The following DNAH17 variants were observed in gnomAD, a reference collection of about 807,000 sequenced individuals.
The protein encoded by DNAH17 is dynein axonemal heavy chain 17, also known as axonemal beta dynein heavy chain 17.
Under a neutral mutation model 485.6 loss-of-function variants are expected in DNAH17, and 376 were observed. The observed-to-expected ratio is 0.77, with a 90% confidence interval of 0.71 to 0.84. The LOEUF is 0.84. Ranked by LOEUF, DNAH17 falls within the 40% of genes least tolerant of loss-of-function variation. The pLI, the probability that DNAH17 is intolerant of heterozygous loss-of-function variation, is 0.00. For synonymous variants in DNAH17, 3,031 were observed against 2,405.9 expected, an observed-to-expected ratio of 1.26 and a Z score of -7.60; for missense variants, 6,370 against 5,839.3, an observed-to-expected ratio of 1.09 and a Z score of -2.96.
rs1259598106 is a variant in DNAH17, at chr17:78,505,430, A to G, written c.4819T>C (p.Ser1607Pro). 2 of 1,613,838 alleles carry G rather than the reference A, an allele frequency of 1.2e-6. No individual in the cohort carries two copies. Among genetic ancestry groups the G allele is most frequent in the African/African-American group, 1.3e-5 (1 of 74,910 alleles). ...TTACACAGGCTATCGAAGAGTTTGGACAGGTGGCGGCTCACCTGGGAGGAG... is the reference window on the plus strand; with the variant it reads ...TTACACAGGCTATCGAAGAGTTTGGGCAGGTGGCGGCTCACCTGGGAGGAG... The part of the protein sequence containing the change: ...NDPVEVSRHL[S>P]KLFDSLCKLK... The change falls in exon 31 of 81, where the codon TCC (serine) becomes CCC (proline). Residue 1607 changes from serine to proline, a missense_variant. Coordinates refer to ENST00000389840, the MANE Select transcript of DNAH17 (RefSeq NM_173628.4).
At chr17:78,451,139 G>C (rs2087532457) in intron 66 of DNAH17, among the ~76,000 whole-genome samples, 1 of 152,394 alleles carries the variant, frequency 6.6e-6, no homozygotes, top group South Asian at 2.1e-4. Flanking sequence ...AAATGTGGCA[G>C]GTGCAAGGGC....
At chr17:78,503,498 T>C (rs1479725383) in intron 31 of DNAH17, among the ~76,000 whole-genome samples, 2 of 151,928 alleles carry the variant, frequency 1.3e-5, no homozygotes. Context: ...TATTTTCTTC[T>C]TAAATTGAGA....
intron 68 of DNAH17, chr17:78,449,874 C>T (rs2087471749): frequency 4.6e-6 from 2 of 431,468 alleles, no homozygotes; most frequent in Non-Finnish European, 8.5e-6. Context: ...CAGGGTTTCA[C>T]CATGTTGGTC....
chr17:78,440,984 TTTCCTGG>T, intron 72 of DNAH17, 60 bp downstream of exon 72: 1 of 1,544,524 alleles, frequency 6.5e-7, no homozygotes. Flanking sequence ...TGGTGTGCAT[TTTCCTGG>T]TGCCTGGTGA....
chr17:78,464,519 C>G (rs143414753), intron 56 of DNAH17, among the ~76,000 whole-genome samples: 2,971 of 152,328 alleles, frequency 0.02, 43 homozygotes, highest in Non-Finnish European at 0.029. Flanking sequence ...CTTTGGCCCC[C>G]CAAAGTGCTG....
intron 67 of DNAH17, 30 bp from the exon 68 acceptor site, chr17:78,450,424 C>A: frequency 6.2e-7 from 1 of 1,612,194 alleles, no homozygotes; most frequent in East Asian, 2.2e-5. Context: ...GTGTGAATGA[C>A]ACAGCAGATG....
intron 14 of DNAH17, among the ~76,000 whole-genome samples, chr17:78,555,172 AC>A (rs2091992695): frequency 6.6e-6 from 1 of 152,176 alleles, no homozygotes; most frequent in Admixed American, 6.5e-5. Context: ...TGAAAACCAG[AC>A]AGAAGTAAAG....
intron 57 of DNAH17, among the ~76,000 whole-genome samples, chr17:78,462,481 G>A (rs1231811507): frequency 2.6e-5 from 4 of 152,156 alleles, no homozygotes; most frequent in Admixed American, 2.6e-4. Flanking sequence ...AGGATCCAGG[G>A]AGGTTTTTGA....
At chr17:78,436,464 A>G (rs1418797398) in intron 74 of DNAH17, among the ~76,000 whole-genome samples, 2 of 151,928 alleles carry the variant, frequency 1.3e-5, no homozygotes, top group Non-Finnish European at 2.9e-5. Flanking sequence ...AAAAAGTTCT[A>G]GGCTCCACTT....
rs139006189 is a variant in DNAH17 at position 78,492,754 on chromosome 17, G to T, written c.6420C>A (p.Ser2140=). The change falls in exon 42 of 81, where the codon TCC becomes TCA. Residue 2140 remains serine (S), a synonymous_variant. Coordinates refer to ENST00000389840, the MANE Select transcript of DNAH17 (RefSeq NM_173628.4). ...TCAGGTTCTGATAGGTCTTGTTGAG[G>T]GATTTGAGGACCTGGCGAAGGTGGG... ...AGSGKSQVLK[S]LNKTYQNLKR... The T allele has an allele frequency of 4.2e-4, 680 of 1,611,758 alleles. 2 individuals are homozygous for T. In the African/African-American group the frequency reaches 7.4e-3, roughly 18 times the overall value.
chr17:78,523,376 G>A (rs1356211506), intron 25 of DNAH17, among the ~76,000 whole-genome samples: 1 of 152,096 alleles, frequency 6.6e-6, no homozygotes, highest in East Asian at 1.9e-4. Flanking sequence ...CACCTGCCTT[G>A]GCCTCCCAAA....
Position 78,501,346 on chromosome 17 carries a change from TGCAGGATGA to T in DNAH17, c.5323-11_5323-3del. Reference sequence around the variant, plus strand: ...GGTGAAGGCCTGAGAACTCTCCACCTGCAGGATGAGCCGGAGCTCTTGTTGCCAGGTGGA... The same window carrying T: ...GGTGAAGGCCTGAGAACTCTCCACCTGCCGGAGCTCTTGTTGCCAGGTGGA... On this transcript the variant is annotated splice_region_variant and splice_polypyrimidine_tract_variant and intron_variant, in intron 34 of 80. Coordinates refer to ENST00000389840, the MANE Select transcript of DNAH17 (RefSeq NM_173628.4). 1 of 1,586,356 alleles carries T rather than the reference TGCAGGATGA, an allele frequency of 6.3e-7. No homozygotes were observed. Among genetic ancestry groups the T allele is most frequent in the Non-Finnish European group, 8.6e-7 (1 of 1,158,898 alleles).
At chr17:78,542,961 A>C (rs2091640309) in intron 17 of DNAH17, among the ~76,000 whole-genome samples, 1 of 152,162 alleles carries the variant, frequency 6.6e-6, no homozygotes, top group South Asian at 2.1e-4. Flanking sequence ...CCTAGTATGA[A>C]GACGTTACTT....
intron 29 of DNAH17, 62 bp downstream of exon 29, chr17:78,507,216 G>C: frequency 1.3e-6 from 2 of 1,578,648 alleles, no homozygotes; most frequent in East Asian, 2.2e-5. Context: ...AGTTCCGTCA[G>C]ACTTAAGACT....
At position 78,537,322 on chromosome 17, in the gene DNAH17, C is replaced by T. The variant is rs765248577; in HGVS notation, c.2836G>A (p.Ala946Thr). 5.1e-6 allele frequency: 8 copies of T among 1,577,562 alleles called. No homozygotes were observed. The South Asian group carries it at 8.1e-5, about 16-fold the overall frequency. The change falls in exon 19 of 81, where the codon GCC becomes ACC. Residue 946 changes from alanine to threonine, a missense_variant. Transcript: ENST00000389840. The part of the protein sequence containing the change: ...YNVARLIPRL[A>T]KDRMNYKMDL... ...ACCTTGTAGTTCATCCTGTCCTTGG[C>T]CAGCCGAGGGATGAGCCTGGCTACG...
chr17:78,486,841 G>A (rs2089632062), intron 44 of DNAH17, among the ~76,000 whole-genome samples: 1 of 152,186 alleles, frequency 6.6e-6, no homozygotes, highest in African/African-American at 2.4e-5. Context: ...GAACAGAAAA[G>A]GAGAAAGATC....
intron 51 of DNAH17, among the ~76,000 whole-genome samples, chr17:78,477,083 C>T (rs181755076): frequency 1.6e-4 from 25 of 152,316 alleles, no homozygotes; most frequent in African/African-American, 6.0e-4. Flanking sequence ...GGTACCACAG[C>T]AAGCCTATCT....
In DNAH17 at chr17:78,451,557, A is replaced by C. The variant is rs1296660050; in HGVS notation, c.10646T>G (p.Ile3549Ser). 6.2e-7 allele frequency: 1 copy of C among 1,613,612 alleles called. No individual in the cohort carries two copies. The highest frequency in any genetic ancestry group is 8.5e-7 in the Non-Finnish European group (1 of 1,179,780). ...TCCATCCCTGGTGACCAGGAAGTTG[A>C]TGAGGGTGCACTGAGCCTGCATCTC... ...KPEMQAQCTL[I>S]NFLVTRDGLE... Residue 3549 changes from isoleucine to serine, a missense_variant, in exon 66 of 81, where the codon ATC becomes AGC. Physicochemically the swap from Ile to Ser is moderately radical, Grantham distance 142 (BLOSUM62 -2). Transcript: ENST00000389840.
intron 62 of DNAH17, among the ~76,000 whole-genome samples, chr17:78,457,657 CTTTTTTTTTTTTTTTT>C (rs71160297): frequency 1.5e-5 from 1 of 66,786 alleles, no homozygotes; most frequent in East Asian, 5.0e-4. Flanking sequence ...CCGTGCCTGG[CTTTTTTTTTTTTTTTT>C]TTTTTTTAGA....
Sources: allele counts gnomAD v4.1 joint callset (sites outside exome capture counted in the v4.1 genomes callset), GRCh38; gene constraint gnomAD v4.1.1; transcripts MANE v1.5; gene names NCBI Gene and HGNC (gene_info 2026-07-23, HGNC 2026-07-21).